Variants in KHDRBS2 observed in about 807,000 individuals in gnomAD.
KHDRBS2 encodes KH RNA binding domain containing, signal transduction associated 2, also known as KH domain-containing, RNA-binding, signal transduction-associated protein 2.
KHDRBS2 carries 26 observed loss-of-function variants against 44.3 expected under a neutral mutation model. That is an observed-to-expected ratio of 0.59 (90% CI 0.43 to 0.81). The LOEUF is 0.81. Among genes scored for constraint, KHDRBS2 ranks in the 40% least tolerant of loss-of-function variants. The pLI is 0.00. For synonymous variants in KHDRBS2, 194 were observed against 151.1 expected, an observed-to-expected ratio of 1.28 and a Z score of -2.08; for missense variants, 476 against 433.1, an observed-to-expected ratio of 1.10 and a Z score of -0.88.
intron 2 of KHDRBS2, among the ~76,000 whole-genome samples, chr6:62,134,031 T>G (rs1810950116): frequency 6.6e-6 from 1 of 152,208 alleles, no homozygotes; most frequent in Non-Finnish European, 1.5e-5. Context: ...TCCCATTTTC[T>G]GAGAAGAAAT....
chr6:62,130,491 G>A (rs1312295285), intron 2 of KHDRBS2, among the ~76,000 whole-genome samples: 3 of 152,128 alleles, frequency 2.0e-5, no homozygotes, highest in Non-Finnish European at 4.4e-5. Flanking sequence ...TTGTTATGAA[G>A]ATAACTAATA....
chr6:62,254,391 A>C (rs565930555), intron 1 of KHDRBS2, among the ~76,000 whole-genome samples: 2 of 152,068 alleles, frequency 1.3e-5, no homozygotes, highest in Non-Finnish European at 2.9e-5. Flanking sequence ...ATAATTTAAG[A>C]CATTTAAGTT....
At chr6:61,643,138 T>C in the KHDRBS2 span, among the ~76,000 whole-genome samples, 1 of 152,146 alleles carries the variant, frequency 6.6e-6, no homozygotes, top group African/African-American at 2.4e-5. Flanking sequence ...TATTTTTATT[T>C]CCCTAGTTAT....
chr6:61,802,460 T>C (rs570362925), intron 6 of KHDRBS2, among the ~76,000 whole-genome samples: 167 of 152,306 alleles, frequency 1.1e-3, no homozygotes, highest in African/African-American at 3.8e-3. Context: ...GGGCTGACAA[T>C]GCAAAACACA....
chr6:61,851,592 C>A (rs1363999377), intron 6 of KHDRBS2, among the ~76,000 whole-genome samples: 1 of 152,086 alleles, frequency 6.6e-6, no homozygotes, highest in East Asian at 1.9e-4. Flanking sequence ...GCTAAGGACA[C>A]AGCAGGAAGA....
At chr6:61,954,607 CTTATGTATACATAT>C (rs1765725135) in intron 4 of KHDRBS2, among the ~76,000 whole-genome samples, 1 of 135,264 alleles carries the variant, frequency 7.4e-6, no homozygotes, top group Non-Finnish European at 1.6e-5. Flanking sequence ...CACATACATA[CTTATGTATACATAT>C]ATATGTATAT....
At chr6:61,965,152 C>A (rs1017410326) in intron 4 of KHDRBS2, among the ~76,000 whole-genome samples, 3 of 152,000 alleles carry the variant, frequency 2.0e-5, no homozygotes, top group Admixed American at 6.6e-5. Flanking sequence ...TGACAAGAGT[C>A]CAGAGAGTTT....
At chr6:61,628,928 G>T in the KHDRBS2 span, among the ~76,000 whole-genome samples, 1 of 152,074 alleles carries the variant, frequency 6.6e-6, no homozygotes, top group Admixed American at 6.5e-5. Flanking sequence ...TTTCAGTTTT[G>T]CTGTAATAGT....
chr6:62,199,569 T>C (rs1826467013), intron 1 of KHDRBS2, among the ~76,000 whole-genome samples: 1 of 152,024 alleles, frequency 6.6e-6, no homozygotes, highest in Admixed American at 6.6e-5. Flanking sequence ...AAACCACTGC[T>C]CAATGAAATA....
chr6:61,644,798 C>A, the KHDRBS2 span, among the ~76,000 whole-genome samples: 1 of 151,858 alleles, frequency 6.6e-6, no homozygotes, highest in African/African-American at 2.4e-5. Flanking sequence ...ATTAAAAAGT[C>A]AAAAAATAAC....
At chr6:61,686,151 G>A (rs948546839) in intron 8 of KHDRBS2, among the ~76,000 whole-genome samples, 1 of 151,648 alleles carries the variant, frequency 6.6e-6, no homozygotes, top group Admixed American at 6.6e-5. Flanking sequence ...TCTGAAATAT[G>A]GAAAAGAATC....
At chr6:61,714,493 G>A (rs561083452) in intron 7 of KHDRBS2, among the ~76,000 whole-genome samples, 2 of 151,922 alleles carry the variant, frequency 1.3e-5, no homozygotes, top group South Asian at 4.1e-4. Flanking sequence ...ATTTCTCAAA[G>A]AACTAAAAAT....
intron 3 of KHDRBS2, among the ~76,000 whole-genome samples, chr6:62,012,184 C>G (rs558139401): frequency 6.6e-6 from 1 of 152,310 alleles, no homozygotes; most frequent in Admixed American, 6.5e-5. Context: ...CATGTTTCCT[C>G]CAGAGTCCAA....
chr6:61,770,861 A>G (rs1780765830), intron 6 of KHDRBS2, among the ~76,000 whole-genome samples: 1 of 152,176 alleles, frequency 6.6e-6, no homozygotes, highest in Admixed American at 6.5e-5. Context: ...CCTCGAGAAG[A>G]GCAACTCCAA....
intron 2 of KHDRBS2, among the ~76,000 whole-genome samples, chr6:62,094,680 T>G (rs1354853011): frequency 6.6e-6 from 1 of 151,978 alleles, no homozygotes; most frequent in Non-Finnish European, 1.5e-5. Flanking sequence ...TCCTAGTACT[T>G]TTGTAGTTTC....
the KHDRBS2 span, among the ~76,000 whole-genome samples, chr6:61,622,323 C>T: frequency 1.3e-5 from 2 of 152,170 alleles, no homozygotes; most frequent in Non-Finnish European, 2.9e-5. Flanking sequence ...CTCATCTCCC[C>T]TTTTTGGCTA....
At chr6:61,667,547 T>C in the KHDRBS2 span, among the ~76,000 whole-genome samples, 1 of 151,312 alleles carries the variant, frequency 6.6e-6, no homozygotes, top group Non-Finnish European at 1.5e-5. Context: ...CATTAAGCCT[T>C]TTCCTAAGAG....
chr6:62,184,927 A>T (rs1186419786), intron 1 of KHDRBS2, among the ~76,000 whole-genome samples: 1 of 151,884 alleles, frequency 6.6e-6, no homozygotes, highest in Non-Finnish European at 1.5e-5. Context: ...ATATTAATCC[A>T]ACAGTCCACA....
Position 61,820,249 on chromosome 6 carries a change from G to A in KHDRBS2, c.810+74386C>T, listed in dbSNP as rs376409002. Among the ~76,000 whole-genome samples, 343 of 152,178 alleles carry A rather than the reference G, an allele frequency of 2.3e-3. 2 individuals are homozygous for A. The highest frequency in any genetic ancestry group is 8.0e-3 in the African/African-American group (334 of 41,548). On this transcript the variant is annotated intron_variant, in intron 6 of 8. Transcript: ENST00000281156. Reference sequence around the variant, plus strand: ...AGATGACACTAGAAGACTTTCATGAGATTCTAGTTGAGGGATGATGATGGC... The same window carrying A: ...AGATGACACTAGAAGACTTTCATGAAATTCTAGTTGAGGGATGATGATGGC...
Sources: allele counts gnomAD v4.1 joint callset (sites outside exome capture counted in the v4.1 genomes callset), GRCh38; gene constraint gnomAD v4.1.1; transcripts MANE v1.5; gene names NCBI Gene and HGNC (gene_info 2026-07-23, HGNC 2026-07-21).